Variants in TACR3 observed in about 807,000 individuals in gnomAD.
TACR3 encodes neuromedin-K receptor.
Under a neutral mutation model 35.0 loss-of-function variants are expected in TACR3, and 34 were observed. The observed-to-expected ratio is 0.97, with a 90% CI of 0.74 to 1.30. The LOEUF is 1.30. Among genes scored for constraint, TACR3 ranks in the 50% most tolerant of loss-of-function variants. TACR3 has a pLI of 0.00. For synonymous variants in TACR3, 233 were observed against 221.1 expected, an observed-to-expected ratio of 1.05 and a Z score of -0.48; for missense variants, 558 against 591.7, an observed-to-expected ratio of 0.94 and a Z score of 0.59.
At chr4:103,709,863 T>A (rs1434906734) in intron 1 of TACR3, among the ~76,000 whole-genome samples, 1 of 152,038 alleles carries the variant, frequency 6.6e-6, no homozygotes, top group Non-Finnish European at 1.5e-5. Context: ...GCAATCCTAG[T>A]CTCTGATAAA....
intron 1 of TACR3, among the ~76,000 whole-genome samples, chr4:103,688,158 T>G (rs1174262162): frequency 2.0e-5 from 3 of 152,174 alleles, no homozygotes; most frequent in Non-Finnish European, 2.9e-5. Flanking sequence ...AAGGATTCCC[T>G]ATTTAATCAA....
At chr4:103,694,418 C>A (rs1327532262) in intron 1 of TACR3, among the ~76,000 whole-genome samples, 1 of 152,084 alleles carries the variant, frequency 6.6e-6, no homozygotes, top group African/African-American at 2.4e-5. Flanking sequence ...TCCAGGTGGA[C>A]TGCAACTCAA....
chr4:103,647,209 A>G lies in TACR3; in HGVS notation c.888+8985T>C, dbSNP rs72945375. 3.6e-3 allele frequency among the ~76,000 whole-genome samples: 541 copies of G among 152,058 alleles called. 1 individual carries two copies. The highest frequency in any genetic ancestry group is 9.7e-3 in the African/African-American group (404 of 41,524). On this transcript the variant is annotated intron_variant, in intron 3 of 4. Transcript: ENST00000304883. ...CCTATGGTGTATTGAATAAAGACAT[A>G]AAGTTTCAAATTTTGTTGTATAATT...
At chr4:103,654,221 C>T (rs962966755) in intron 3 of TACR3, among the ~76,000 whole-genome samples, 2 of 151,622 alleles carry the variant, frequency 1.3e-5, no homozygotes, top group African/African-American at 4.9e-5. Flanking sequence ...GATTATAAAT[C>T]ATGCTGCTAT....
chr4:103,609,157 T>G (rs1724454860), intron 3 of TACR3, among the ~76,000 whole-genome samples: 1 of 152,130 alleles, frequency 6.6e-6, no homozygotes, highest in Non-Finnish European at 1.5e-5. Flanking sequence ...ACAGGCTTCA[T>G]TATGCTGTGG....
In TACR3 at chr4:103,589,418, C is replaced by A; in HGVS notation, c.*264G>T. ...GACTGGCGAGTTTACAAGTATTTTC[C>A]TGACATATTTTTGTTCATTGCATAT... is the stretch of plus-strand genomic sequence containing the variant. On this transcript the variant is annotated 3_prime_UTR_variant, in exon 5 of 5. Transcript: ENST00000304883. The A allele has an allele frequency of 2.5e-6, 1 of 399,466 alleles. No individual in the cohort carries two copies. The highest frequency in any genetic ancestry group is 4.6e-6 in the Non-Finnish European group (1 of 219,260). 24.7% of individuals were successfully genotyped at this position (399,466 alleles called of 1,614,324 possible).
At position 103,660,801 on chromosome 4, in the gene TACR3, A is replaced by G. The variant is rs141174647; in HGVS notation, c.549-2398T>C. Among the ~76,000 whole-genome samples, 11 of 152,230 alleles carry G rather than the reference A, an allele frequency of 7.2e-5. No individual in the cohort carries two copies. The East Asian group carries it at 2.1e-3, about 29-fold the overall frequency. ...GAAAAATAATGCGTATGTTTCAAAT[A>G]GGAGACTTTAAAATTCAACTCTCAT... is the stretch of plus-strand genomic sequence containing the variant. On this transcript the variant is annotated intron_variant, in intron 1 of 4. Transcript: ENST00000304883.
At chr4:103,655,976 C>T (rs1340718682) in intron 3 of TACR3, among the ~76,000 whole-genome samples, 1 of 151,662 alleles carries the variant, frequency 6.6e-6, no homozygotes, top group African/African-American at 2.4e-5. Context: ...TTAAGAAGTC[C>T]TTATGTAATG....
In TACR3 at chr4:103,598,967, G is replaced by A. The variant is rs1406524273; in HGVS notation, c.889-7284C>T. On this transcript the variant is annotated intron_variant, in intron 3 of 4. Coordinates refer to ENST00000304883, the MANE Select transcript of TACR3 (RefSeq NM_001059.3). ...TTTTTGGTTCCATATGAACTTTAAA[G>A]TAGTTTTTCCCAGTTCTGTGAAGAA... 9.9e-5 allele frequency among the ~76,000 whole-genome samples: 15 copies of A among 152,160 alleles called. No individual in the cohort carries two copies. In the South Asian group the frequency reaches 1.7e-3, roughly 17 times the overall value.
intron 3 of TACR3, among the ~76,000 whole-genome samples, chr4:103,606,446 C>T (rs1232739628): frequency 1.3e-5 from 2 of 152,166 alleles, no homozygotes; most frequent in African/African-American, 2.4e-5. Flanking sequence ...ATTGATTCTT[C>T]CTATCCATGA....
At chr4:103,604,908 C>T (rs1245545524) in intron 3 of TACR3, among the ~76,000 whole-genome samples, 2 of 150,564 alleles carry the variant, frequency 1.3e-5, no homozygotes, top group Admixed American at 6.6e-5. Flanking sequence ...TATACATGTG[C>T]CATGCTGGTG....
At position 103,658,305 on chromosome 4, in the gene TACR3, A is replaced by G. The variant is rs751324306; in HGVS notation, c.647T>C (p.Phe216Ser). 9 of 1,614,006 alleles carry G rather than the reference A, an allele frequency of 5.6e-6. No homozygotes were observed. In the Admixed American group the frequency reaches 1.3e-4, roughly 24 times the overall value. ...SIWILAFLLA[F>S]PQCLYSKTKV... ...GGTTTTGGAATAAAGACACTGAGGG[A>G]AGGCAAGTAGAAATGCTAGAATCCA... Residue 216 changes from phenylalanine (F) to serine (S), a missense_variant, in exon 2 of 5, where the codon TTC becomes TCC. Phe to Ser is a radical substitution (Grantham distance 155). Transcript: ENST00000304883.
intron 3 of TACR3, among the ~76,000 whole-genome samples, chr4:103,602,788 A>T (rs750277237): frequency 6.6e-6 from 1 of 152,134 alleles, no homozygotes; most frequent in South Asian, 2.1e-4. Flanking sequence ...GTGAGGTGTT[A>T]GTCCAGCCCT....
At chr4:103,596,552 C>G (rs1023305398) in intron 3 of TACR3, among the ~76,000 whole-genome samples, 1 of 151,874 alleles carries the variant, frequency 6.6e-6, no homozygotes, top group Non-Finnish European at 1.5e-5. Flanking sequence ...CTAGGTGTGA[C>G]AAAAAACAAA....
At chr4:103,611,188 A>G (rs1724504230) in intron 3 of TACR3, among the ~76,000 whole-genome samples, 1 of 152,098 alleles carries the variant, frequency 6.6e-6, no homozygotes, top group Admixed American at 6.6e-5. Flanking sequence ...TAGGGATTGA[A>G]TTGAATTTGT....
At chr4:103,704,487 G>A (rs1002462109) in intron 1 of TACR3, among the ~76,000 whole-genome samples, 2 of 152,156 alleles carry the variant, frequency 1.3e-5, no homozygotes, top group Non-Finnish European at 2.9e-5. Context: ...GAGACCTCAG[G>A]AAACTTACAG....
chr4:103,656,080 A>T (rs906611832), intron 3 of TACR3, 114 bp downstream of exon 3: 63 of 1,333,560 alleles, frequency 4.7e-5, no homozygotes, highest in Non-Finnish European at 6.2e-5. Flanking sequence ...AAAGACATTA[A>T]AAACAGGAGT....
chr4:103,637,570 T>G (rs7679478), intron 3 of TACR3, among the ~76,000 whole-genome samples: 66,762 of 151,786 alleles, frequency 0.44, 17,773 homozygotes, highest in African/African-American at 0.76. Flanking sequence ...TTCAACATAG[T>G]GTTGGAAGTT....
chr4:103,705,029 T>C (rs1328269121), intron 1 of TACR3, among the ~76,000 whole-genome samples: 9 of 152,172 alleles, frequency 5.9e-5, no homozygotes, highest in African/African-American at 2.2e-4. Context: ...TTTCTTTTCT[T>C]GGGAATTTTA....
Sources: allele counts gnomAD v4.1 joint callset (sites outside exome capture counted in the v4.1 genomes callset), GRCh38; gene constraint gnomAD v4.1.1; transcripts MANE v1.5; gene names NCBI Gene and HGNC (gene_info 2026-07-23, HGNC 2026-07-21).